CALN1: variants seen among roughly 807,000 people sequenced by gnomAD.
CALN1 encodes calcium-binding protein 8.
A neutral mutation model predicts 30.6 loss-of-function variants in CALN1; 17 were observed. That is an observed-to-expected ratio of 0.56 (90% CI 0.38 to 0.83). The LOEUF is 0.83. CALN1 is among the 40% of genes least tolerant of loss of function. The probability of loss-of-function intolerance (pLI) is 0.00; values close to 1 mark genes in which losing one functional copy is unlikely to be tolerated. For synonymous variants in CALN1, 156 were observed against 131.4 expected (o/e 1.19, Z -1.28); for missense variants, 291 against 354.9 (o/e 0.82, Z 1.45).
chr7:72,079,805 C>T (rs1283510081), intron 4 of CALN1, among the ~76,000 whole-genome samples: 1 of 138,392 alleles, frequency 7.2e-6, no homozygotes, highest in African/African-American at 2.8e-5. Context: ...AGGCCTCACT[C>T]CGTCGCCCAG....
At chr7:71,874,088 A>C (rs1792102512) in intron 5 of CALN1, among the ~76,000 whole-genome samples, 1 of 152,054 alleles carries the variant, frequency 6.6e-6, no homozygotes, top group Non-Finnish European at 1.5e-5. Context: ...CAGCCCAGCC[A>C]ACATGGTGAC....
chr7:72,204,609 T>C (rs530684779), intron 3 of CALN1, among the ~76,000 whole-genome samples: 4 of 152,316 alleles, frequency 2.6e-5, no homozygotes, highest in African/African-American at 7.2e-5. Flanking sequence ...TTATTAGTCA[T>C]GCAATGTTGG....
chr7:72,500,135 C>T, the CALN1 span, among the ~76,000 whole-genome samples: 17 of 150,406 alleles, frequency 1.1e-4, no homozygotes, highest in Non-Finnish European at 2.5e-4. Context: ...TGATCTCAAA[C>T]TCCTGACCTC....
chr7:72,395,918 A>G (rs1805904088), intron 2 of CALN1, among the ~76,000 whole-genome samples: 1 of 152,146 alleles, frequency 6.6e-6, no homozygotes, highest in South Asian at 2.1e-4. Context: ...AAAGCTTCTG[A>G]TTTAGGAGGT....
At chr7:71,819,592 A>T (rs1788477333) in intron 5 of CALN1, among the ~76,000 whole-genome samples, 1 of 152,164 alleles carries the variant, frequency 6.6e-6, no homozygotes. Context: ...GAAGTCCTTC[A>T]TCTTCCCAGA....
At position 72,203,237 on chromosome 7, in the gene CALN1, C is replaced by T. The variant is rs565961328; in HGVS notation, c.244+75449G>A. ...CATTAGGACAAATACCTAATGCATG[C>T]GGGGCTTAAAATCTAGATCATGGGT... On this transcript the variant is annotated intron_variant, in intron 3 of 6. Coordinates refer to ENST00000395275, the MANE Select transcript of CALN1 (RefSeq NM_031468.4). Among the ~76,000 whole-genome samples, 8 of 151,944 alleles carry T rather than the reference C, an allele frequency of 5.3e-5. No homozygotes were observed. The South Asian group carries it at 1.5e-3, about 28-fold the overall frequency.
chr7:72,008,454 AATT>A (rs1435723682), intron 5 of CALN1, among the ~76,000 whole-genome samples: 2 of 147,622 alleles, frequency 1.4e-5, no homozygotes, highest in African/African-American at 2.6e-5. Context: ...AATTTACACA[AATT>A]ATTATTATAA....
At chr7:72,160,046 G>A (rs961798294) in intron 3 of CALN1, among the ~76,000 whole-genome samples, 4 of 152,052 alleles carry the variant, frequency 2.6e-5, no homozygotes, top group Non-Finnish European at 5.9e-5. Flanking sequence ...AAAGGCAAGG[G>A]CTTGTCTGGG....
At chr7:71,867,957 AAACATCT>A (rs1211644718) in intron 5 of CALN1, among the ~76,000 whole-genome samples, 1 of 152,194 alleles carries the variant, frequency 6.6e-6, no homozygotes, top group Non-Finnish European at 1.5e-5. Flanking sequence ...TTATGTTTTT[AAACATCT>A]ATGATAGACA....
At chr7:72,031,734 ATTTTTTTTT>A (rs544026184) in intron 4 of CALN1, among the ~76,000 whole-genome samples, 2 of 114,684 alleles carry the variant, frequency 1.7e-5, no homozygotes, top group African/African-American at 3.4e-5. Flanking sequence ...CGCCTGGCTA[ATTTTTTTTT>A]TTTTTTTTTT....
At chr7:71,971,522 C>A (rs1387386684) in intron 5 of CALN1, among the ~76,000 whole-genome samples, 2 of 152,030 alleles carry the variant, frequency 1.3e-5, no homozygotes. Context: ...AAGTATGAAA[C>A]TAAGTATTCT....
At chr7:72,223,524 TA>T (rs1793453119) in intron 3 of CALN1, among the ~76,000 whole-genome samples, 1 of 152,110 alleles carries the variant, frequency 6.6e-6, no homozygotes, top group Non-Finnish European at 1.5e-5. Flanking sequence ...AGCCACTGCT[TA>T]AAAAGAGCAG....
intron 5 of CALN1, among the ~76,000 whole-genome samples, chr7:72,003,285 T>C (rs902173703): frequency 6.6e-6 from 1 of 152,222 alleles, no homozygotes; most frequent in Non-Finnish European, 1.5e-5. Flanking sequence ...AAGACAAGTA[T>C]AGGATCTTTA....
the CALN1 span, among the ~76,000 whole-genome samples, chr7:72,501,635 G>A: frequency 1.3e-5 from 2 of 151,208 alleles, no homozygotes; most frequent in Admixed American, 6.6e-5. Context: ...TCTTGGCTGG[G>A]CGCAGTGGCT....
At chr7:71,844,589 T>C (rs2190048) in intron 5 of CALN1, among the ~76,000 whole-genome samples, 50,287 of 152,026 alleles carry the variant, frequency 0.33, 8,672 homozygotes, top group Middle Eastern at 0.47. Context: ...CATATCACAA[T>C]AACTAATTAA....
At chr7:71,981,587 G>A (rs1798395537) in intron 5 of CALN1, among the ~76,000 whole-genome samples, 1 of 152,002 alleles carries the variant, frequency 6.6e-6, no homozygotes, top group Admixed American at 6.6e-5. Flanking sequence ...CTGGGAGGCG[G>A]AGGAGGTTAC....
intron 5 of CALN1, among the ~76,000 whole-genome samples, chr7:71,884,074 C>T (rs1663096512): frequency 6.6e-6 from 1 of 152,030 alleles, no homozygotes; most frequent in South Asian, 2.1e-4. Context: ...CCACCACGCC[C>T]AGCTAATTTT....
intron 5 of CALN1, among the ~76,000 whole-genome samples, chr7:71,971,475 A>AC (rs1797795409): frequency 6.6e-6 from 1 of 152,040 alleles, no homozygotes; most frequent in African/African-American, 2.4e-5. Context: ...AAACAAACAA[A>AC]AAACCCCGAA....
intron 5 of CALN1, among the ~76,000 whole-genome samples, chr7:71,998,038 C>G (rs1799338626): frequency 1.3e-5 from 2 of 151,992 alleles, no homozygotes; most frequent in Admixed American, 1.3e-4. Context: ...CCAGGCTGGT[C>G]TGAAACTCCT....
Sources: allele counts gnomAD v4.1 joint callset (sites outside exome capture counted in the v4.1 genomes callset), GRCh38; gene constraint gnomAD v4.1.1; transcripts MANE v1.5; gene names NCBI Gene and HGNC (gene_info 2026-07-23, HGNC 2026-07-21).